Variants in CTPS1 observed in about 807,000 individuals in gnomAD.
CTPS1 encodes the protein CTP synthetase 1.
In CTPS1, 25 loss-of-function variants were observed where a neutral mutation model predicts 80.5. The ratio of observed to expected loss-of-function variants is 0.31; its 90% CI spans 0.23 to 0.43. CTPS1 has a LOEUF of 0.43. Among genes scored for constraint, CTPS1 ranks in the 20% least tolerant of loss-of-function variants. The probability of loss-of-function intolerance (pLI) is 1.00; values close to 1 mark genes in which losing one functional copy is unlikely to be tolerated. For missense variants in CTPS1, 442 were observed against 725.7 expected, an observed-to-expected ratio of 0.61 and a Z score of 4.49; for synonymous variants, 267 against 252.5, an observed-to-expected ratio of 1.06 and a Z score of -0.54.
chr1:41,001,749 C>T (rs995850621), intron 10 of CTPS1, among the ~76,000 whole-genome samples: 6 of 151,982 alleles, frequency 3.9e-5, no homozygotes, highest in African/African-American at 1.4e-4. Flanking sequence ...GTTTCTACAA[C>T]AAAAACAACA....
At chr1:41,001,376 C>T (rs1422925815) in intron 10 of CTPS1, among the ~76,000 whole-genome samples, 2 of 152,130 alleles carry the variant, frequency 1.3e-5, no homozygotes, top group Non-Finnish European at 2.9e-5. Flanking sequence ...ATTTTTCATC[C>T]AGAACATTTG....
intron 9 of CTPS1, 119 bp downstream of exon 9, chr1:40,997,645 C>G (rs551722654): frequency 1.6e-6 from 2 of 1,244,902 alleles, no homozygotes; most frequent in Non-Finnish European, 2.2e-6. Flanking sequence ...TAAGGAATTA[C>G]TTTTTAAGGA....
chr1:41,004,558 C>T (rs1642984731), intron 12 of CTPS1, among the ~76,000 whole-genome samples: 1 of 152,192 alleles, frequency 6.6e-6, no homozygotes, highest in South Asian at 2.1e-4. Context: ...TCAGTTGAGA[C>T]TGGACCCTGG....
intron 3 of CTPS1, among the ~76,000 whole-genome samples, chr1:40,985,899 G>T (rs1169036435): frequency 6.6e-6 from 1 of 152,188 alleles, no homozygotes; most frequent in Admixed American, 6.5e-5. Flanking sequence ...TTGTTAGGAA[G>T]ATTAAAGAAA....
chr1:40,991,809 GA>G lies in CTPS1; in HGVS notation c.688del (p.Ile230TyrfsTer12). 6.2e-7 allele frequency: 1 copy of G among 1,614,120 alleles called. No homozygotes were observed. The highest frequency in any genetic ancestry group is 8.5e-7 in the Non-Finnish European group (1 of 1,179,956). On this transcript the variant is annotated frameshift_variant, in exon 7 of 19. Coordinates refer to ENST00000650070, the MANE Select transcript of CTPS1 (RefSeq NM_001905.4). LOFTEE classifies it high-confidence loss of function. The stretch of plus-strand genomic sequence containing the variant: ...ATCCACTTGACACATCAGTGAAGGA[GA>G]AAATATCAATGTTCTGCCATGTTGA... ...SNPLDTSVKE[K>X]ISMFCHVEPE...
intron 1 of CTPS1, chr1:40,982,011 A>C (rs1474530395): frequency 7.8e-7 from 1 of 1,288,796 alleles, no homozygotes; most frequent in Non-Finnish European, 1.0e-6. Flanking sequence ...ATTTTCTGCT[A>C]CTTTCTAATT....
intron 8 of CTPS1, chr1:40,997,184 G>C: frequency 1.9e-6 from 1 of 532,266 alleles, no homozygotes; most frequent in East Asian, 3.3e-5. Context: ...CCAGGCTGTA[G>C]TGCAGTGGTG....
At chr1:40,984,769 C>T (rs1383723097) in intron 2 of CTPS1, 52 bp from the exon 3 acceptor site, 2 of 1,330,934 alleles carry the variant, frequency 1.5e-6, no homozygotes, top group African/African-American at 3.0e-5. Flanking sequence ...GCAGTTGTGC[C>T]ATGGTATAGG....
In CTPS1 at chr1:41,009,516, T is replaced by C. The variant is rs779365316; in HGVS notation, c.1618T>C (p.Tyr540His). ...CAGGCCTATCAAGCCCTCCCCACCA[T>C]ACTTTGGCCTCCTCCTGGCCTCTGT... The part of the protein sequence containing the change: ...LSRPIKPSPP[Y>H]FGLLLASVGR... Residue 540 changes from tyrosine (Y) to histidine (H), a missense_variant, in exon 17 of 19, where the codon TAC (tyrosine) becomes CAC (histidine). Physicochemically the swap from Tyr to His is moderately conservative, Grantham distance 83. Coordinates refer to ENST00000650070, the MANE Select transcript of CTPS1 (RefSeq NM_001905.4). 6.2e-7 allele frequency: 1 copy of C among 1,614,078 alleles called. No homozygotes were observed. The highest frequency in any genetic ancestry group is 8.5e-7 in the Non-Finnish European group (1 of 1,180,000).
At chr1:41,002,991 G>C in intron 11 of CTPS1, 123 bp from the exon 12 acceptor site, 3 of 891,284 alleles carry the variant, frequency 3.4e-6, no homozygotes, top group Non-Finnish European at 5.5e-6. Context: ...ATAGCAGGAA[G>C]TTATGAGTTT....
At position 41,008,898 on chromosome 1, in the gene CTPS1, T is replaced by G; in HGVS notation, c.1546+8T>G. ...AAATTGTGGAGTTAGAAGGTGATTATTCGGGCAGTTTTATTTAATGGAAAA... is the reference window on the plus strand; with the variant it reads ...AAATTGTGGAGTTAGAAGGTGATTAGTCGGGCAGTTTTATTTAATGGAAAA... On this transcript the variant is annotated splice_region_variant and intron_variant, in intron 16 of 18. Coordinates refer to ENST00000650070, the MANE Select transcript of CTPS1 (RefSeq NM_001905.4). 1 of 1,605,456 alleles carries G rather than the reference T, an allele frequency of 6.2e-7. No homozygotes were observed. The highest frequency in any genetic ancestry group is 8.5e-7 in the Non-Finnish European group (1 of 1,172,160).
At chr1:40,990,924 C>T (rs1313290513) in intron 5 of CTPS1, among the ~76,000 whole-genome samples, 1 of 152,030 alleles carries the variant, frequency 6.6e-6, no homozygotes, top group Non-Finnish European at 1.5e-5. Context: ...AGTTGAAGAG[C>T]GGTTGTTTCT....
intron 9 of CTPS1, among the ~76,000 whole-genome samples, chr1:40,998,765 A>G (rs12408576): frequency 0.24 from 36,727 of 152,160 alleles, 5,102 homozygotes; most frequent in Non-Finnish European, 0.31. Context: ...GTTGTTAAAC[A>G]GGCCCCATGT....
At chr1:40,982,756 T>C (rs1570936753) in intron 1 of CTPS1, among the ~76,000 whole-genome samples, 1 of 152,252 alleles carries the variant, frequency 6.6e-6, no homozygotes, top group Admixed American at 6.5e-5. Context: ...TGATGTTCTT[T>C]CCTTTTAGTC....
chr1:41,010,357 G>C, intron 18 of CTPS1, 103 bp downstream of exon 18: 1 of 768,322 alleles, frequency 1.3e-6, no homozygotes, highest in Non-Finnish European at 2.2e-6. Context: ...TTATCTGCCA[G>C]GAATGAAAGT....
At chr1:40,995,780 TTAG>T (rs1482002443) in intron 7 of CTPS1, 134 bp from the exon 8 acceptor site, 2 of 767,072 alleles carry the variant, frequency 2.6e-6, no homozygotes, top group East Asian at 5.4e-5. Flanking sequence ...TGAGTCTGTT[TTAG>T]TAGTTTATCT....
intron 3 of CTPS1, among the ~76,000 whole-genome samples, chr1:40,985,693 G>A (rs1222488339): frequency 6.6e-6 from 1 of 152,118 alleles, no homozygotes; most frequent in Non-Finnish European, 1.5e-5. Flanking sequence ...AGACTTTACT[G>A]GCCTGAAAGC....
intron 5 of CTPS1, 21 bp from the exon 6 acceptor site, chr1:40,991,136 CTTTTTTTT>C: frequency 8.3e-7 from 1 of 1,207,772 alleles, no homozygotes; most frequent in Non-Finnish European, 1.1e-6. Context: ...GGGAAACTAA[CTTTTTTTT>C]TTTTTTCTTT....
chr1:41,002,854 A>G (rs1009554068), intron 11 of CTPS1, among the ~76,000 whole-genome samples: 1 of 152,210 alleles, frequency 6.6e-6, no homozygotes, highest in Non-Finnish European at 1.5e-5. Flanking sequence ...GGGGGAAAAA[A>G]GTACTGAATA....
Sources: gnomAD v4.1 joint callset for allele counts (sites outside exome capture counted in the v4.1 genomes callset) on GRCh38, gnomAD v4.1.1 for gene constraint, MANE v1.5 for transcripts, NCBI Gene and HGNC (gene_info 2026-07-23, HGNC 2026-07-21) for gene names.